The following HS3ST5 variants were observed in gnomAD, a reference collection of about 807,000 sequenced individuals.
HS3ST5 encodes the protein heparan sulfate glucosamine 3-O-sulfotransferase 5.
HS3ST5 carries 10 observed loss-of-function variants against 25.4 expected under a neutral mutation model. The ratio of observed to expected loss-of-function variants is 0.39; its 90% CI spans 0.24 to 0.67. The LOEUF is 0.67. Among genes scored for constraint, HS3ST5 ranks in the 30% least tolerant of loss-of-function variants. The probability of loss-of-function intolerance (pLI) is 0.44; values close to 1 mark genes in which losing one functional copy is unlikely to be tolerated. For missense variants in HS3ST5, 324 were observed against 420.7 expected (o/e 0.77, Z 2.01); for synonymous variants, 170 against 162.4 (o/e 1.05, Z -0.36).
Position 114,057,611 on chromosome 6 carries a change from T to C in HS3ST5, c.687A>G (p.Val229=). The C allele has an allele frequency of 6.2e-7, 1 of 1,613,638 alleles. No homozygotes were observed. Among genetic ancestry groups the C allele is most frequent in the Non-Finnish European group, 8.5e-7 (1 of 1,179,856 alleles). Residue 229 remains valine (V), a synonymous_variant, in exon 5 of 5, where the codon GTA becomes GTG. Coordinates refer to ENST00000312719, the MANE Select transcript of HS3ST5 (RefSeq NM_153612.4). Reference sequence around the variant, plus strand: ...GATGTTTGGTGTAGATGCTGGTTCTTACTGCTTTGTATTTTGTGTTCACTT... The same window carrying C: ...GATGTTTGGTGTAGATGCTGGTTCTCACTGCTTTGTATTTTGTGTTCACTT... ...TCEVNTKYKA[V]RTSIYTKHLE...
rs140487585 is a variant in HS3ST5, at chr6:114,309,470, T to C, written c.-339+32725A>G. On this transcript the variant is annotated intron_variant, in intron 1 of 4. Transcript: ENST00000312719. The stretch of plus-strand genomic sequence containing the variant: ...GCTCACACCTATAATGCCAGCACTT[T>C]GGGATGCCAAGGCAGGCAGAGCACT... 5.0e-3 allele frequency among the ~76,000 whole-genome samples: 758 copies of C among 152,300 alleles called. 2 individuals are homozygous for C. Among genetic ancestry groups the C allele is most frequent in the Non-Finnish European group, 8.4e-3 (568 of 68,022 alleles).
chr6:114,275,277 A>G (rs1034096612), intron 1 of HS3ST5, among the ~76,000 whole-genome samples: 21 of 152,102 alleles, frequency 1.4e-4, no homozygotes, highest in African/African-American at 5.1e-4. Flanking sequence ...TAAAAAGAAC[A>G]TAATATATGT....
intron 1 of HS3ST5, chr6:114,239,225 TATC>T (rs1771992275): frequency 6.6e-6 from 1 of 152,300 alleles, no homozygotes; most frequent in East Asian, 1.9e-4. Flanking sequence ...TGGATTCTGT[TATC>T]ATTAATTTTC....
intron 1 of HS3ST5, among the ~76,000 whole-genome samples, chr6:114,246,711 C>T (rs746182878): frequency 3.9e-5 from 6 of 152,250 alleles, no homozygotes; most frequent in Admixed American, 2.0e-4. Context: ...TTTATATTGG[C>T]GCGTTTGTTT....
intron 3 of HS3ST5, among the ~76,000 whole-genome samples, chr6:114,096,274 G>T (rs1235075146): frequency 6.6e-6 from 1 of 152,162 alleles, no homozygotes; most frequent in East Asian, 1.9e-4. Flanking sequence ...AAACATGTTA[G>T]ATGGCTGCCT....
chr6:114,220,673 GAA>G (rs566741415), intron 2 of HS3ST5: 1 of 150,486 alleles, frequency 6.6e-6, no homozygotes, highest in Non-Finnish European at 1.5e-5. Flanking sequence ...ATTTTTCAAA[GAA>G]AAAAAAATCT....
At chr6:114,174,141 C>A (rs1779606941) in intron 2 of HS3ST5, among the ~76,000 whole-genome samples, 1 of 151,950 alleles carries the variant, frequency 6.6e-6, no homozygotes, top group Non-Finnish European at 1.5e-5. Flanking sequence ...GCTTTCAATG[C>A]CTTGAATACT....
At chr6:114,186,301 G>T (rs1780215052) in intron 2 of HS3ST5, among the ~76,000 whole-genome samples, 1 of 152,084 alleles carries the variant, frequency 6.6e-6, no homozygotes, top group African/African-American at 2.4e-5. Flanking sequence ...TAGCCAAGTT[G>T]TGCAAGCAAA....
intron 3 of HS3ST5, among the ~76,000 whole-genome samples, chr6:114,138,765 T>G (rs1777760603): frequency 6.6e-6 from 1 of 152,196 alleles, no homozygotes. Context: ...GTTGTCTTAG[T>G]CCCTGCAAGC....
chr6:114,301,771 T>C (rs1775083953), intron 1 of HS3ST5, among the ~76,000 whole-genome samples: 1 of 152,048 alleles, frequency 6.6e-6, no homozygotes, highest in Non-Finnish European at 1.5e-5. Flanking sequence ...TTCATGGGGT[T>C]CTCTTCAGAA....
intron 1 of HS3ST5, among the ~76,000 whole-genome samples, chr6:114,326,015 A>AGTTCCAG: frequency 6.6e-6 from 1 of 151,590 alleles, no homozygotes; most frequent in African/African-American, 2.4e-5. Context: ...AATTACAAGG[A>AGTTCCAG]ACTACCCCTT....
chr6:114,273,381 G>A (rs1773714106), intron 1 of HS3ST5, among the ~76,000 whole-genome samples: 1 of 152,040 alleles, frequency 6.6e-6, no homozygotes, highest in South Asian at 2.1e-4. Context: ...ATGCTTATTA[G>A]AATCTAAGTG....
At chr6:114,084,189 T>A (rs1303232590) in intron 3 of HS3ST5, 4 of 1,028,966 alleles carry the variant, frequency 3.9e-6, no homozygotes, top group Non-Finnish European at 6.0e-6. Flanking sequence ...AAGTGGTTGC[T>A]CCTATCCATT....
chr6:114,219,336 T>C (rs1335402060), intron 2 of HS3ST5, among the ~76,000 whole-genome samples: 1 of 152,198 alleles, frequency 6.6e-6, no homozygotes, highest in African/African-American at 2.4e-5. Flanking sequence ...TAGGTTTACG[T>C]AGAGGGGACG....
At chr6:114,283,082 A>T (rs561654847) in intron 1 of HS3ST5, among the ~76,000 whole-genome samples, 20 of 151,978 alleles carry the variant, frequency 1.3e-4, no homozygotes, top group Non-Finnish European at 2.6e-4. Context: ...AGAGAAAGAC[A>T]GTAGAGAGGG....
At chr6:114,083,916 C>T (rs1774613316) in intron 3 of HS3ST5, among the ~76,000 whole-genome samples, 1 of 152,052 alleles carries the variant, frequency 6.6e-6, no homozygotes, top group African/African-American at 2.4e-5. Flanking sequence ...TAGTTTGTTT[C>T]TTAGGATTGA....
intron 3 of HS3ST5, among the ~76,000 whole-genome samples, chr6:114,065,312 G>C (rs1773386787): frequency 6.6e-6 from 1 of 152,226 alleles, no homozygotes; most frequent in African/African-American, 2.4e-5. Flanking sequence ...GAGCTTCACT[G>C]AAAGAACCAA....
intron 3 of HS3ST5, among the ~76,000 whole-genome samples, chr6:114,075,490 G>T (rs1302858737): frequency 7.9e-5 from 12 of 152,228 alleles, no homozygotes; most frequent in Non-Finnish European, 1.8e-4. Context: ...CATTACTAAA[G>T]TAACTACTTG....
intron 2 of HS3ST5, among the ~76,000 whole-genome samples, chr6:114,224,379 T>A (rs990482959): frequency 6.6e-6 from 1 of 151,584 alleles, no homozygotes; most frequent in African/African-American, 2.4e-5. Flanking sequence ...ATAAATTTTC[T>A]TCTAATTCAT....
Sources: gnomAD v4.1 joint callset for allele counts (sites outside exome capture counted in the v4.1 genomes callset) on GRCh38, gnomAD v4.1.1 for gene constraint, MANE v1.5 for transcripts, NCBI Gene and HGNC (gene_info 2026-07-23, HGNC 2026-07-21) for gene names.